Variants in PCDH11X observed in about 807,000 individuals in gnomAD.
The protein encoded by PCDH11X is protocadherin-11 X-linked.
In PCDH11X, 18 loss-of-function variants were observed where a neutral mutation model predicts 53.3. The ratio of observed to expected loss-of-function variants is 0.34; its 90% confidence interval spans 0.23 to 0.50. The LOEUF (loss-of-function observed/expected upper bound fraction) is 0.50, where lower values mean the gene tolerates loss of function less well. Among genes scored for constraint, PCDH11X ranks in the 20% least tolerant of loss-of-function variants. The pLI, the probability that PCDH11X is intolerant of heterozygous loss-of-function variation, is 0.98. For synonymous variants in PCDH11X, 279 were observed against 393.3 expected, an observed-to-expected ratio of 0.71 and a Z score of 3.44; for missense variants, 570 against 1,032.4, an observed-to-expected ratio of 0.55 and a Z score of 6.14.
chrX:91,825,818 A>G (rs1218499864), intron 4 of PCDH11X, among the ~76,000 whole-genome samples: 1 of 107,549 alleles, frequency 9.3e-6, no homozygotes, highest in East Asian at 2.8e-4. Context: ...ATTTGCTTTG[A>G]GTTGAGATTC....
intron 6 of PCDH11X, among the ~76,000 whole-genome samples, chrX:92,151,274 G>A (rs1472696173): frequency 9.1e-6 from 1 of 110,446 alleles, no homozygotes; most frequent in Non-Finnish European, 1.9e-5. Flanking sequence ...CTCACTGCAA[G>A]CCCCGCCTCC....
chrX:92,601,030 C>T (rs1289912953), intron 10 of PCDH11X, among the ~76,000 whole-genome samples: 1 of 110,790 alleles, frequency 9.0e-6, no homozygotes, highest in East Asian at 2.8e-4. Context: ...TTACCCAATG[C>T]CTGTACCTCC....
intron 10 of PCDH11X, among the ~76,000 whole-genome samples, chrX:92,560,876 C>T (rs889976204): frequency 3.7e-5 from 4 of 109,274 alleles, no homozygotes; most frequent in Admixed American, 9.7e-5. Context: ...TTAAGAAAAG[C>T]GTCTTGGGCA....
intron 9 of PCDH11X, among the ~76,000 whole-genome samples, chrX:92,456,768 C>T (rs35895979): frequency 2.7e-5 from 3 of 111,296 alleles, no homozygotes; most frequent in Non-Finnish European, 5.7e-5. Flanking sequence ...CTTGTATTTT[C>T]GCTTCCTCTT....
chrX:92,296,151 T>C (rs2068605141), intron 8 of PCDH11X, among the ~76,000 whole-genome samples: 1 of 111,021 alleles, frequency 9.0e-6, no homozygotes, highest in Admixed American at 9.6e-5. Flanking sequence ...GATTTTCCTA[T>C]GGTGAATCAG....
In PCDH11X at chrX:91,842,352, T is replaced by C. The variant is rs188811403; in HGVS notation, c.540+6308T>C. On this transcript the variant is annotated intron_variant, in intron 5 of 10. Transcript: ENST00000682573. ...TTTAATTAAATAACGCAGAACTTAA[T>C]TTTCTTAATTATTTTTGAAATGTCC... is the stretch of plus-strand genomic sequence containing the variant. Among the ~76,000 whole-genome samples, 760 of 110,106 alleles carry C rather than the reference T, an allele frequency of 6.9e-3. 5 individuals are homozygous for C. The highest frequency in any genetic ancestry group is 0.023 in the African/African-American group (696 of 30,165).
intron 6 of PCDH11X, among the ~76,000 whole-genome samples, chrX:92,105,929 A>T (rs1022785636): frequency 3.2e-4 from 36 of 111,542 alleles, no homozygotes; most frequent in Middle Eastern, 9.1e-3. Context: ...TTCCCTCTAC[A>T]GTTAATCATT....
intron 9 of PCDH11X, among the ~76,000 whole-genome samples, chrX:92,416,580 G>A (rs1220453611): frequency 9.1e-6 from 1 of 110,072 alleles, no homozygotes; most frequent in Non-Finnish European, 1.9e-5. Context: ...ATTAGAAAGT[G>A]ATTCCCAAAT....
chrX:92,047,978 G>A (rs2063314600), intron 6 of PCDH11X, among the ~76,000 whole-genome samples: 1 of 111,356 alleles, frequency 9.0e-6, no homozygotes, highest in African/African-American at 3.3e-5. Context: ...GCATTCTGAT[G>A]TCTGGGAGGT....
At chrX:92,221,061 A>T (rs1310396163) in intron 7 of PCDH11X, among the ~76,000 whole-genome samples, 1 of 35,364 alleles carries the variant, frequency 2.8e-5, no homozygotes, top group Non-Finnish European at 5.2e-5. Flanking sequence ...GGGTGGGGGG[A>T]GGGGGGAGGG....
chrX:92,473,737 CTA>C (rs2073317831), intron 10 of PCDH11X, among the ~76,000 whole-genome samples: 1 of 110,650 alleles, frequency 9.0e-6, no homozygotes. Flanking sequence ...TGTTTAATTT[CTA>C]TGTGAGTGTA....
At chrX:92,091,970 T>G (rs775381998) in intron 6 of PCDH11X, among the ~76,000 whole-genome samples, 10 of 111,960 alleles carry the variant, frequency 8.9e-5, no homozygotes, top group Admixed American at 2.9e-4. Flanking sequence ...AGGATGGCTT[T>G]GCAGGGCCAT....
At chrX:91,989,181 C>G (rs1056371736) in intron 6 of PCDH11X, among the ~76,000 whole-genome samples, 1 of 109,297 alleles carries the variant, frequency 9.1e-6, no homozygotes, top group African/African-American at 3.3e-5. Flanking sequence ...CTTCCTGATT[C>G]AATGTTGCTT....
chrX:91,917,160 C>T (rs1941592071), intron 6 of PCDH11X, among the ~76,000 whole-genome samples: 1 of 109,989 alleles, frequency 9.1e-6, no homozygotes, highest in Admixed American at 9.7e-5. Flanking sequence ...AAGGACATAC[C>T]TCAAGGTAAT....
chrX:92,532,638 G>A (rs1478518192), intron 10 of PCDH11X, among the ~76,000 whole-genome samples: 8 of 85,814 alleles, frequency 9.3e-5, no homozygotes, highest in Non-Finnish European at 1.6e-4. Context: ...TTAACAAGAA[G>A]AAAGTTCTCC....
intron 9 of PCDH11X, among the ~76,000 whole-genome samples, chrX:92,447,661 G>A (rs1416106080): frequency 8.9e-6 from 1 of 112,758 alleles, no homozygotes; most frequent in African/African-American, 3.2e-5. Context: ...CAATGTGGAA[G>A]GGAAATGTGA....
At chrX:92,341,076 T>G (rs1212982350) in intron 8 of PCDH11X, among the ~76,000 whole-genome samples, 1 of 111,393 alleles carries the variant, frequency 9.0e-6, no homozygotes, top group African/African-American at 3.3e-5. Context: ...AAGTTCAAAC[T>G]CCCACAGAAC....
At chrX:92,213,859 T>G (rs780426070) in intron 7 of PCDH11X, among the ~76,000 whole-genome samples, 1 of 107,402 alleles carries the variant, frequency 9.3e-6, no homozygotes, top group Admixed American at 1.0e-4. Context: ...TAATAATAAA[T>G]CAAATGAATA....
intron 5 of PCDH11X, among the ~76,000 whole-genome samples, chrX:91,868,343 T>C (rs1176351684): frequency 1.8e-5 from 2 of 112,137 alleles, no homozygotes; most frequent in Non-Finnish European, 3.8e-5. Context: ...ATCTTTATTA[T>C]GACGTCCATT....
Sources: allele counts gnomAD v4.1 joint callset (sites outside exome capture counted in the v4.1 genomes callset), GRCh38; gene constraint gnomAD v4.1.1; transcripts MANE v1.5; gene names NCBI Gene and HGNC (gene_info 2026-07-23, HGNC 2026-07-21).